The following BNC2 variants were observed in gnomAD, a reference collection of about 807,000 sequenced individuals.
BNC2 encodes basonuclin zinc finger protein 2, also known as zinc finger protein basonuclin-2.
In BNC2, 20 loss-of-function variants were observed where a neutral mutation model predicts 76.3. The observed-to-expected ratio is 0.26, with a 90% CI of 0.18 to 0.38. The LOEUF is 0.38. BNC2 is among the 10% of genes least tolerant of loss of function. BNC2 has a pLI of 1.00. For missense variants in BNC2, 1,382 were observed against 1,399.8 expected (o/e 0.99, Z 0.20); for synonymous variants, 582 against 514.8 (o/e 1.13, Z -1.77).
intron 1 of BNC2, among the ~76,000 whole-genome samples, chr9:16,749,986 A>C (rs1237789244): frequency 6.6e-6 from 1 of 152,210 alleles, no homozygotes; most frequent in East Asian, 1.9e-4. Flanking sequence ...GAATTTTATC[A>C]GTTTTATATT....
At chr9:16,479,122 C>T (rs377483161) in intron 5 of BNC2, among the ~76,000 whole-genome samples, 28 of 152,022 alleles carry the variant, frequency 1.8e-4, no homozygotes, top group African/African-American at 6.5e-4. Flanking sequence ...CGCGTTGGCG[C>T]ACACCTGTAA....
intron 1 of BNC2, among the ~76,000 whole-genome samples, chr9:16,831,803 G>GT (rs1818583834): frequency 6.6e-6 from 1 of 152,118 alleles, no homozygotes; most frequent in African/African-American, 2.4e-5. Flanking sequence ...CTTAGACAAT[G>GT]TCACACCAAT....
At chr9:16,827,522 A>G (rs934363213) in intron 1 of BNC2, among the ~76,000 whole-genome samples, 6 of 152,202 alleles carry the variant, frequency 3.9e-5, no homozygotes, top group Admixed American at 6.5e-5. Flanking sequence ...TCATATTCCT[A>G]GAATCCGGAG....
intron 5 of BNC2, among the ~76,000 whole-genome samples, chr9:16,494,953 C>T (rs893012606): frequency 2.0e-5 from 3 of 152,030 alleles, no homozygotes; most frequent in South Asian, 4.1e-4. Flanking sequence ...ACATTGTGCA[C>T]GTGTACCCTA....
intron 1 of BNC2, among the ~76,000 whole-genome samples, chr9:16,764,052 T>G (rs2135403541): frequency 6.6e-6 from 1 of 152,332 alleles, no homozygotes; most frequent in South Asian, 2.1e-4. Flanking sequence ...AAATAAGAGC[T>G]GGGATTGGTT....
At chr9:16,749,298 T>C (rs1825110554) in intron 1 of BNC2, among the ~76,000 whole-genome samples, 1 of 152,196 alleles carries the variant, frequency 6.6e-6, no homozygotes, top group Non-Finnish European at 1.5e-5. Context: ...ACACGTGTTG[T>C]TAGTTATAAT....
At chr9:16,561,240 A>C (rs1004275184) in intron 4 of BNC2, among the ~76,000 whole-genome samples, 14 of 149,874 alleles carry the variant, frequency 9.3e-5, no homozygotes, top group African/African-American at 3.4e-4. Flanking sequence ...CTCCGCCTCA[A>C]AAAAAAAAAA....
intron 1 of BNC2, among the ~76,000 whole-genome samples, chr9:16,770,118 A>C (rs1449288804): frequency 6.6e-6 from 1 of 152,216 alleles, no homozygotes; most frequent in Non-Finnish European, 1.5e-5. Flanking sequence ...TCAACAGCAG[A>C]GGAAACTAAC....
At chr9:16,471,277 A>G (rs370493347) in intron 5 of BNC2, among the ~76,000 whole-genome samples, 35 of 150,626 alleles carry the variant, frequency 2.3e-4, no homozygotes, top group East Asian at 1.6e-3. Flanking sequence ...CTGGGAAGTA[A>G]CTAGCTTGCT....
intron 4 of BNC2, chr9:16,580,136 G>A (rs1819593967): frequency 7.5e-6 from 3 of 398,380 alleles, no homozygotes; most frequent in Admixed American, 4.4e-5. Context: ...TTGGAGACAC[G>A]ATTTCAGGGT....
intron 5 of BNC2, among the ~76,000 whole-genome samples, chr9:16,514,258 T>G (rs998813117): frequency 5.4e-4 from 82 of 152,332 alleles, no homozygotes; most frequent in African/African-American, 2.0e-3. Flanking sequence ...TTACTAGGTT[T>G]CAAACCAAAT....
chr9:16,560,994 T>C (rs1406675905), intron 4 of BNC2, among the ~76,000 whole-genome samples: 16 of 149,180 alleles, frequency 1.1e-4, no homozygotes, highest in East Asian at 3.9e-4. Flanking sequence ...TCCCAGCACT[T>C]TGGGAGGCCC....
intron 3 of BNC2, among the ~76,000 whole-genome samples, chr9:16,648,583 G>A (rs1448350229): frequency 6.6e-6 from 1 of 152,228 alleles, no homozygotes; most frequent in Non-Finnish European, 1.5e-5. Flanking sequence ...GCAAAGTAAT[G>A]AGGACAGAAC....
At chr9:16,832,662 G>A (rs1458117832) in intron 1 of BNC2, among the ~76,000 whole-genome samples, 1 of 152,112 alleles carries the variant, frequency 6.6e-6, no homozygotes, top group Non-Finnish European at 1.5e-5. Flanking sequence ...GCATTTAGAG[G>A]TAGAAGGAGA....
intron 5 of BNC2, among the ~76,000 whole-genome samples, chr9:16,512,215 T>C (rs929226522): frequency 6.6e-6 from 1 of 152,180 alleles, no homozygotes; most frequent in Non-Finnish European, 1.5e-5. Context: ...GATCATCAAA[T>C]TACTGATGAA....
chr9:16,430,110 GT>G, intron 6 of BNC2: 1 of 439,594 alleles, frequency 2.3e-6, no homozygotes, highest in South Asian at 1.6e-5. Flanking sequence ...TATTTTGTGT[GT>G]TTGCTTCTGA....
At chr9:16,821,837 T>C (rs1417520358) in intron 1 of BNC2, among the ~76,000 whole-genome samples, 2 of 152,002 alleles carry the variant, frequency 1.3e-5, no homozygotes, top group East Asian at 1.9e-4. Context: ...GTAATGCCTG[T>C]AATCCCAGCA....
chr9:16,620,546 C>G (rs906051731), intron 3 of BNC2, among the ~76,000 whole-genome samples: 3 of 152,118 alleles, frequency 2.0e-5, no homozygotes, highest in African/African-American at 7.2e-5. Flanking sequence ...GCTACTGAAA[C>G]TTCTACATAC....
intron 5 of BNC2, among the ~76,000 whole-genome samples, chr9:16,519,912 C>T (rs1019646860): frequency 2.6e-5 from 4 of 152,174 alleles, no homozygotes; most frequent in African/African-American, 9.7e-5. Context: ...GATGACCATA[C>T]CCACGAGACA....
Sources: allele counts gnomAD v4.1 joint callset (sites outside exome capture counted in the v4.1 genomes callset), GRCh38; gene constraint gnomAD v4.1.1; transcripts MANE v1.5; gene names NCBI Gene and HGNC (gene_info 2026-07-23, HGNC 2026-07-21).